PDE6D: variants seen among roughly 807,000 people sequenced by gnomAD.
PDE6D encodes phosphodiesterase 6D.
PDE6D carries 10 observed loss-of-function variants against 21.9 expected under a neutral mutation model. The ratio of observed to expected loss-of-function variants is 0.46; its 90% CI spans 0.28 to 0.78. The LOEUF (loss-of-function observed/expected upper bound fraction) is 0.78. Among genes scored for constraint, PDE6D ranks in the 30% least tolerant of loss-of-function variants. The pLI is 0.12. For synonymous variants in PDE6D, 59 were observed against 63.5 expected (o/e 0.93, Z 0.34); for missense variants, 139 against 184.8 (o/e 0.75, Z 1.44).
At chr2:231,740,756 T>C (rs1052501793) in intron 1 of PDE6D, among the ~76,000 whole-genome samples, 2 of 149,548 alleles carry the variant, frequency 1.3e-5, no homozygotes, top group African/African-American at 4.9e-5. Context: ...AGAGTTCTAG[T>C]GTCTAACTAA....
intron 1 of PDE6D, among the ~76,000 whole-genome samples, chr2:231,749,775 C>A (rs1035805901): frequency 6.6e-6 from 1 of 152,074 alleles, no homozygotes; most frequent in Non-Finnish European, 1.5e-5. Flanking sequence ...CTCAGGTGAT[C>A]CAGCTGCCTT....
chr2:231,777,213 CAAGAAT>C (rs2106289882), intron 1 of PDE6D, among the ~76,000 whole-genome samples: 1 of 152,244 alleles, frequency 6.6e-6, no homozygotes, highest in African/African-American at 2.4e-5. Flanking sequence ...GAAGGTGATA[CAAGAAT>C]AAAATCTTAT....
At chr2:231,737,397 C>T (rs1374682736) in intron 3 of PDE6D, 105 bp from the exon 4 acceptor site, 4 of 603,204 alleles carry the variant, frequency 6.6e-6, no homozygotes, top group East Asian at 2.9e-5. Context: ...CTGAGAACCA[C>T]CAAAGGAAGC....
intron 1 of PDE6D, among the ~76,000 whole-genome samples, chr2:231,769,988 T>C (rs2049002127): frequency 6.6e-6 from 1 of 152,232 alleles, no homozygotes; most frequent in Non-Finnish European, 1.5e-5. Context: ...AATAAGCTGG[T>C]CACAAGGTAG....
intron 1 of PDE6D, among the ~76,000 whole-genome samples, chr2:231,769,760 G>C (rs369500144): frequency 6.6e-6 from 1 of 152,042 alleles, no homozygotes; most frequent in Non-Finnish European, 1.5e-5. Flanking sequence ...ACCACAGATG[G>C]GACCACATTT....
intron 1 of PDE6D, among the ~76,000 whole-genome samples, chr2:231,765,826 C>T (rs1417812193): frequency 2.0e-5 from 3 of 152,132 alleles, no homozygotes; most frequent in Admixed American, 2.0e-4. Flanking sequence ...TATCTTTTCA[C>T]ACTTTGCCTT....
At position 231,732,684 on chromosome 2, in the gene PDE6D, T is replaced by C. The variant is rs981841844; in HGVS notation, c.*268A>G. ...GTTTGTGGTATGTGTTTGTTCCCTG[T>C]GTGTATGCTGGGAAGGACTTGAGAC... is the stretch of plus-strand genomic sequence containing the variant. On this transcript the variant is annotated 3_prime_UTR_variant, in exon 5 of 5. Transcript: ENST00000287600. 1.2e-5 allele frequency: 4 copies of C among 343,308 alleles called. No individual in the cohort carries two copies. The highest frequency in any genetic ancestry group is 6.3e-5 in the African/African-American group (3 of 47,552). The allele number at this position is 343,308 out of a possible 1,614,324, so 21.3% of individuals were successfully genotyped here.
At chr2:231,776,303 A>G (rs2049055929) in intron 1 of PDE6D, among the ~76,000 whole-genome samples, 1 of 149,268 alleles carries the variant, frequency 6.7e-6, no homozygotes, top group Non-Finnish European at 1.5e-5. Context: ...CCGGGGTGAC[A>G]AGAGCAAGAC....
At chr2:231,743,610 C>T (rs1250567970) in intron 1 of PDE6D, among the ~76,000 whole-genome samples, 4 of 152,002 alleles carry the variant, frequency 2.6e-5, no homozygotes, top group African/African-American at 9.7e-5. Context: ...TCAGGGTGTG[C>T]AATTCCTAAC....
intron 2 of PDE6D, among the ~76,000 whole-genome samples, 181 bp downstream of exon 2, chr2:231,738,919 C>T (rs992839385): frequency 6.4e-5 from 4 of 62,648 alleles, no homozygotes; most frequent in African/African-American, 2.9e-4. Flanking sequence ...GACTGTGTCT[C>T]AAAAAAAAAA....
At chr2:231,762,210 T>C (rs562209083) in intron 1 of PDE6D, among the ~76,000 whole-genome samples, 1 of 152,280 alleles carries the variant, frequency 6.6e-6, no homozygotes, top group Non-Finnish European at 1.5e-5. Context: ...TGAGCTTAAA[T>C]ATTTCAAAAT....
At chr2:231,767,612 C>T (rs890279773) in intron 1 of PDE6D, among the ~76,000 whole-genome samples, 5 of 152,112 alleles carry the variant, frequency 3.3e-5, no homozygotes, top group African/African-American at 1.2e-4. Context: ...CCGCACCCAA[C>T]CACTTTATCC....
chr2:231,756,037 T>A (rs1366501872), intron 1 of PDE6D, among the ~76,000 whole-genome samples: 1 of 152,214 alleles, frequency 6.6e-6, no homozygotes, highest in Non-Finnish European at 1.5e-5. Context: ...AAAAATGTGA[T>A]GACAGAGCTT....
At chr2:231,769,101 T>C (rs1017238789) in intron 1 of PDE6D, among the ~76,000 whole-genome samples, 3 of 152,140 alleles carry the variant, frequency 2.0e-5, no homozygotes, top group Non-Finnish European at 4.4e-5. Flanking sequence ...ACTCCTGACC[T>C]CATGTGATCC....
intron 1 of PDE6D, among the ~76,000 whole-genome samples, chr2:231,776,060 A>T (rs6437036): frequency 6.6e-6 from 1 of 151,990 alleles, no homozygotes; most frequent in Non-Finnish European, 1.5e-5. Flanking sequence ...GACAAATGCT[A>T]GGTGCAGTGG....
chr2:231,764,463 A>G (rs1004476315), intron 1 of PDE6D, among the ~76,000 whole-genome samples: 1 of 152,188 alleles, frequency 6.6e-6, no homozygotes, highest in Admixed American at 6.5e-5. Flanking sequence ...GGGGAATATT[A>G]ATTTTTTTCT....
intron 1 of PDE6D, among the ~76,000 whole-genome samples, chr2:231,770,904 G>A (rs1195226923): frequency 6.6e-6 from 1 of 151,008 alleles, no homozygotes; most frequent in African/African-American, 2.4e-5. Flanking sequence ...AGTGAGTTGA[G>A]ATCGCGCCAT....
intron 3 of PDE6D, chr2:231,737,509 T>C: frequency 2.1e-6 from 1 of 485,102 alleles, no homozygotes; most frequent in Admixed American, 3.6e-5. Flanking sequence ...CTTTGAGGTC[T>C]AAAGGACTAG....
intron 1 of PDE6D, among the ~76,000 whole-genome samples, chr2:231,762,339 CTTTTTTTTT>C (rs3074725): frequency 1.2e-5 from 1 of 83,458 alleles, no homozygotes; most frequent in South Asian, 3.9e-4. Flanking sequence ...AGGACTAACG[CTTTTTTTTT>C]TTTTTTTTTT....
Sources: allele counts gnomAD v4.1 joint callset (sites outside exome capture counted in the v4.1 genomes callset), GRCh38; gene constraint gnomAD v4.1.1; transcripts MANE v1.5; gene names NCBI Gene and HGNC (gene_info 2026-07-23, HGNC 2026-07-21).